Variants in CHP1 observed in about 807,000 individuals in gnomAD.
The protein encoded by CHP1 is calcineurin B homologous protein 1.
Under a neutral mutation model 27.4 loss-of-function variants are expected in CHP1, and 11 were observed. That is an observed-to-expected ratio of 0.40 (90% CI 0.25 to 0.67). The LOEUF is 0.67. Ranked by LOEUF, CHP1 falls within the 30% of genes least tolerant of loss-of-function variation. CHP1 has a pLI of 0.38. For missense variants in CHP1, 169 were observed against 251.3 expected (o/e 0.67, Z 2.22); for synonymous variants, 89 against 87.4 (o/e 1.02, Z -0.10).
intron 1 of CHP1, among the ~76,000 whole-genome samples, chr15:41,232,930 C>T (rs1419731786): frequency 6.6e-6 from 1 of 152,192 alleles, no homozygotes; most frequent in Admixed American, 6.5e-5. Flanking sequence ...CCACCCCTTT[C>T]TGGACTGGTT....
At chr15:41,274,201 A>C (rs1018111834) in intron 5 of CHP1, among the ~76,000 whole-genome samples, 2 of 151,918 alleles carry the variant, frequency 1.3e-5, no homozygotes, top group African/African-American at 4.8e-5. Flanking sequence ...CCTTGTGATC[A>C]GCCCACCTTG....
Position 41,243,747 on chromosome 15 carries a change from G to A in CHP1, c.140+8G>A. On this transcript the variant is annotated splice_region_variant and intron_variant, in intron 2 of 6. Coordinates refer to ENST00000334660, the MANE Select transcript of CHP1 (RefSeq NM_007236.5). ...AGAGAATGGGACTCTCAGGTAGGCA[G>A]TGTTTTTCTTTATTTTCCTCACAGA... The A allele has an allele frequency of 6.2e-7, 1 of 1,613,412 alleles. No homozygotes were observed. The highest frequency in any genetic ancestry group is 8.5e-7 in the Non-Finnish European group (1 of 1,179,482).
At chr15:41,256,593 A>G (rs2047401745) in intron 2 of CHP1, 1 of 313,614 alleles carries the variant, frequency 3.2e-6, no homozygotes, top group South Asian at 3.4e-5. Flanking sequence ...TAGGTACGCA[A>G]TGCTAATGTT....
chr15:41,255,911 G>T (rs1469168607), intron 2 of CHP1, among the ~76,000 whole-genome samples: 1 of 152,120 alleles, frequency 6.6e-6, no homozygotes, highest in Non-Finnish European at 1.5e-5. Flanking sequence ...CAGCTACTTG[G>T]GAGGCTGAGG....
intron 1 of CHP1, 97 bp from the exon 2 acceptor site, chr15:41,243,570 A>G (rs2047317910): frequency 1.2e-6 from 1 of 848,784 alleles, no homozygotes; most frequent in Non-Finnish European, 1.9e-6. Flanking sequence ...TCGACATCCC[A>G]GTCCTACTGA....
At chr15:41,245,190 G>A (rs1246031723) in intron 2 of CHP1, among the ~76,000 whole-genome samples, 1 of 152,200 alleles carries the variant, frequency 6.6e-6, no homozygotes, top group Non-Finnish European at 1.5e-5. Flanking sequence ...GCTGGACACG[G>A]TGGCTCATGC....
chr15:41,270,724 G>A, intron 5 of CHP1, 106 bp downstream of exon 5: 2 of 870,054 alleles, frequency 2.3e-6, no homozygotes, highest in Non-Finnish European at 3.8e-6. Flanking sequence ...TACCTGCTAT[G>A]TGCAGAGTCC....
At chr15:41,254,751 T>C (rs2047389873) in intron 2 of CHP1, among the ~76,000 whole-genome samples, 1 of 152,224 alleles carries the variant, frequency 6.6e-6, no homozygotes, top group Non-Finnish European at 1.5e-5. Context: ...AAGCACCACG[T>C]AAACGTTAAA....
intron 1 of CHP1, among the ~76,000 whole-genome samples, chr15:41,235,156 C>T (rs1417354967): frequency 2.0e-5 from 3 of 152,120 alleles, no homozygotes; most frequent in Non-Finnish European, 4.4e-5. Context: ...CCACAAATGT[C>T]TTAGGAGTTT....
At position 41,279,444 on chromosome 15, in the gene CHP1, C is replaced by A; in HGVS notation, c.*55C>A. ...TATTTAAGAACTGGAACTTGAAAGT[C>A]CTCCTTCTACCAACTCCACCTCCAC... On this transcript the variant is annotated 3_prime_UTR_variant, in exon 7 of 7. Transcript: ENST00000334660. 2 of 1,441,556 alleles carry A rather than the reference C, an allele frequency of 1.4e-6. No individual in the cohort carries two copies. Among genetic ancestry groups the A allele is most frequent in the East Asian group, 2.3e-5 (1 of 43,918 alleles). 89.3% of individuals were successfully genotyped at this position (1,441,556 alleles called of 1,614,324 possible).
At chr15:41,268,144 A>G (rs1289437544) in intron 4 of CHP1, among the ~76,000 whole-genome samples, 1 of 152,176 alleles carries the variant, frequency 6.6e-6, no homozygotes, top group East Asian at 1.9e-4. Flanking sequence ...CGGGTGAATA[A>G]ACAAGATTTA....
intron 3 of CHP1, among the ~76,000 whole-genome samples, chr15:41,258,816 G>A (rs991290491): frequency 1.3e-5 from 2 of 152,154 alleles, no homozygotes; most frequent in African/African-American, 4.8e-5. Context: ...TATTATATGG[G>A]TGCCAGTTTT....
intron 2 of CHP1, among the ~76,000 whole-genome samples, chr15:41,248,588 T>A (rs2047347948): frequency 1.1e-4 from 16 of 152,132 alleles, no homozygotes; most frequent in Admixed American, 1.0e-3. Context: ...GTCTTAAACC[T>A]GTTCTTTGAT....
intron 1 of CHP1, among the ~76,000 whole-genome samples, chr15:41,233,399 GGA>G (rs1410914881): frequency 6.6e-6 from 1 of 152,182 alleles, no homozygotes; most frequent in Non-Finnish European, 1.5e-5. Context: ...TTGACCAAAT[GGA>G]AATGACCTGG....
chr15:41,277,970 A>G (rs1311312600), intron 5 of CHP1, among the ~76,000 whole-genome samples: 1 of 151,988 alleles, frequency 6.6e-6, no homozygotes, highest in African/African-American at 2.4e-5. Context: ...AAAAAACCCA[A>G]AAACAAATAC....
rs2047403237 is a variant in CHP1, at chr15:41,256,900, C to A, written c.141-10C>A. 1.9e-6 allele frequency: 3 copies of A among 1,613,642 alleles called. No individual in the cohort carries two copies. Among genetic ancestry groups the A allele is most frequent in the Non-Finnish European group, 2.5e-6 (3 of 1,179,552 alleles). On this transcript the variant is annotated splice_polypyrimidine_tract_variant and intron_variant, in intron 2 of 6. Coordinates refer to ENST00000334660, the MANE Select transcript of CHP1 (RefSeq NM_007236.5). The stretch of plus-strand genomic sequence containing the variant: ...GATCTCTATCTAACTCAAGGTGATT[C>A]TCTTGGCAGCCGGGAAGATTTCCAG...
At chr15:41,277,469 C>A (rs1376237085) in intron 5 of CHP1, among the ~76,000 whole-genome samples, 1 of 151,850 alleles carries the variant, frequency 6.6e-6, no homozygotes, top group Non-Finnish European at 1.5e-5. Flanking sequence ...CACAGTGAGA[C>A]CTCATTCCTA....
At chr15:41,256,321 T>A (rs1202260345) in intron 2 of CHP1, among the ~76,000 whole-genome samples, 1 of 152,216 alleles carries the variant, frequency 6.6e-6, no homozygotes, top group Non-Finnish European at 1.5e-5. Context: ...ACTGCTCTTG[T>A]CATGTTTGAG....
intron 5 of CHP1, among the ~76,000 whole-genome samples, chr15:41,278,365 A>T (rs971530515): frequency 2.0e-5 from 3 of 151,798 alleles, no homozygotes; most frequent in Non-Finnish European, 4.4e-5. Flanking sequence ...AAAAAATTTA[A>T]CTTTTAGGTT....
Sources: gnomAD v4.1 joint callset for allele counts (sites outside exome capture counted in the v4.1 genomes callset) on GRCh38, gnomAD v4.1.1 for gene constraint, MANE v1.5 for transcripts, NCBI Gene and HGNC (gene_info 2026-07-23, HGNC 2026-07-21) for gene names.